The following ATRNL1 variants were observed in gnomAD, a reference collection of about 807,000 sequenced individuals.
The protein encoded by ATRNL1 is attractin-like protein 1.
Under a neutral mutation model 182.7 loss-of-function variants are expected in ATRNL1, and 95 were observed. The observed-to-expected ratio is 0.52, with a 90% CI of 0.44 to 0.62. The LOEUF is 0.62. Among genes scored for constraint, ATRNL1 ranks in the 20% least tolerant of loss-of-function variants. The pLI is 0.00. For missense variants in ATRNL1, 1,471 were observed against 1,679.5 expected, an observed-to-expected ratio of 0.88 and a Z score of 2.17; for synonymous variants, 576 against 568.3, an observed-to-expected ratio of 1.01 and a Z score of -0.19.
At position 115,793,542 on chromosome 10, in the gene ATRNL1, C is replaced by A. The variant is rs536372751; in HGVS notation, c.3904-54335C>A. ...TAACTTTGAACGAAGCTGAAAGCTT[C>A]ATTTAGTTTAATAATAACGATGCTT... On this transcript the variant is annotated intron_variant, in intron 27 of 28. Coordinates refer to ENST00000355044, the MANE Select transcript of ATRNL1 (RefSeq NM_207303.4). Among the ~76,000 whole-genome samples the A allele has an allele frequency of 9.1e-3, 387 of 42,478 alleles. 1 individual carries two copies. Among genetic ancestry groups the A allele is most frequent in the African/African-American group, 0.033 (365 of 10,992 alleles). 27.9% of individuals were successfully genotyped at this position (42,478 alleles called of 152,430 possible). A position where few individuals can be genotyped will look rare whatever the true frequency, so the allele number is the denominator to read the frequency against.
At chr10:115,673,701 A>G (rs1945771719) in intron 26 of ATRNL1, among the ~76,000 whole-genome samples, 1 of 152,104 alleles carries the variant, frequency 6.6e-6, no homozygotes, top group Non-Finnish European at 1.5e-5. Context: ...AATATCTCCT[A>G]TCCCATATAT....
chr10:115,391,282 G>A (rs1409246285), intron 19 of ATRNL1, among the ~76,000 whole-genome samples: 1 of 152,140 alleles, frequency 6.6e-6, no homozygotes, highest in Non-Finnish European at 1.5e-5. Flanking sequence ...TCAGTATGAT[G>A]TTAGCTGTGG....
intron 28 of ATRNL1, among the ~76,000 whole-genome samples, chr10:115,904,502 T>C (rs1391416145): frequency 1.3e-5 from 2 of 152,218 alleles, no homozygotes; most frequent in African/African-American, 4.8e-5. Context: ...GGGATCACTA[T>C]AGACAGTGTG....
intron 1 of ATRNL1, among the ~76,000 whole-genome samples, chr10:115,115,161 A>G (rs545585375): frequency 7.7e-4 from 117 of 152,252 alleles, no homozygotes; most frequent in Middle Eastern, 3.4e-3. Flanking sequence ...TCTCACTTAC[A>G]TGTGGAATCT....
intron 8 of ATRNL1, among the ~76,000 whole-genome samples, chr10:115,191,304 A>G (rs1224354390): frequency 6.6e-6 from 1 of 152,064 alleles, no homozygotes; most frequent in Admixed American, 6.6e-5. Context: ...TATTCTTCAT[A>G]GTGGTTGTAC....
At chr10:115,130,580 G>A (rs1377371333) in intron 5 of ATRNL1, among the ~76,000 whole-genome samples, 3 of 152,056 alleles carry the variant, frequency 2.0e-5, no homozygotes, top group Middle Eastern at 3.4e-3. Flanking sequence ...TTATTAAATC[G>A]AATTTGGTTA....
At chr10:115,513,778 A>G (rs1474365659) in intron 24 of ATRNL1, among the ~76,000 whole-genome samples, 1 of 151,920 alleles carries the variant, frequency 6.6e-6, no homozygotes, top group Non-Finnish European at 1.5e-5. Flanking sequence ...TTTCTATGGA[A>G]AGTCTCGGGT....
chr10:115,664,876 T>C (rs1860910842), intron 26 of ATRNL1, among the ~76,000 whole-genome samples: 2 of 152,174 alleles, frequency 1.3e-5, no homozygotes, highest in Admixed American at 1.3e-4. Context: ...CAGGGTCACC[T>C]TGCCCTGTGT....
intron 28 of ATRNL1, among the ~76,000 whole-genome samples, chr10:115,855,395 A>G (rs981490512): frequency 6.6e-6 from 1 of 152,150 alleles, no homozygotes; most frequent in South Asian, 2.1e-4. Context: ...CACACCTTCT[A>G]ACATATATCC....
rs568132652 is a variant in ATRNL1 at position 115,679,678 on chromosome 10, A to G, written c.3796-47570A>G. On this transcript the variant is annotated intron_variant, in intron 26 of 28. Coordinates refer to ENST00000355044, the MANE Select transcript of ATRNL1 (RefSeq NM_207303.4). ...GAGCTCAACAATTGTAACAATAGGC[A>G]TGAAGGCTATACCTTTAATCATATC... 1.4e-4 allele frequency among the ~76,000 whole-genome samples: 21 copies of G among 152,240 alleles called. No individual in the cohort carries two copies. In the South Asian group the frequency reaches 3.7e-3, roughly 27 times the overall value.
intron 28 of ATRNL1, among the ~76,000 whole-genome samples, chr10:115,891,128 C>T (rs1459426050): frequency 1.3e-5 from 2 of 152,082 alleles, no homozygotes; most frequent in Non-Finnish European, 2.9e-5. Flanking sequence ...ATATGCTCAT[C>T]TTATTTTAAA....
chr10:115,172,529 C>T (rs1847334294), intron 8 of ATRNL1, among the ~76,000 whole-genome samples: 1 of 151,966 alleles, frequency 6.6e-6, no homozygotes, highest in South Asian at 2.1e-4. Context: ...TTCCATCCTC[C>T]TTGAGCCACT....
At chr10:115,740,166 A>T (rs2134094105) in intron 27 of ATRNL1, among the ~76,000 whole-genome samples, 1 of 152,340 alleles carries the variant, frequency 6.6e-6, no homozygotes. Context: ...ATAAAATAGC[A>T]ACTAGGTCAA....
chr10:115,267,667 A>G (rs1554911294), intron 12 of ATRNL1, among the ~76,000 whole-genome samples: 1 of 152,180 alleles, frequency 6.6e-6, no homozygotes. Flanking sequence ...AGAAAGGATG[A>G]TAAACAGTAT....
intron 9 of ATRNL1, among the ~76,000 whole-genome samples, chr10:115,233,679 AG>A (rs1850055934): frequency 1.3e-5 from 2 of 152,108 alleles, no homozygotes; most frequent in Admixed American, 6.5e-5. Flanking sequence ...TTATAAAGAA[AG>A]GTCTCTTTTT....
chr10:115,641,611 A>T (rs1277500472), intron 26 of ATRNL1, among the ~76,000 whole-genome samples: 1 of 152,108 alleles, frequency 6.6e-6, no homozygotes, highest in African/African-American at 2.4e-5. Context: ...TGATATTACT[A>T]CTCTACTAAA....
intron 26 of ATRNL1, among the ~76,000 whole-genome samples, chr10:115,652,949 T>A (rs1860105526): frequency 6.6e-6 from 1 of 152,162 alleles, no homozygotes; most frequent in Admixed American, 6.5e-5. Context: ...TTGTAAGTTA[T>A]GTAGTTTCTA....
At chr10:115,331,339 C>T (rs1453168259) in intron 18 of ATRNL1, among the ~76,000 whole-genome samples, 1 of 152,208 alleles carries the variant, frequency 6.6e-6, no homozygotes, top group Non-Finnish European at 1.5e-5. Context: ...GGATTATAGG[C>T]GTGAGCCACC....
chr10:115,106,001 G>C (rs1359046276), intron 1 of ATRNL1, among the ~76,000 whole-genome samples: 1 of 152,164 alleles, frequency 6.6e-6, no homozygotes, highest in Non-Finnish European at 1.5e-5. Flanking sequence ...CCCCAGAACA[G>C]TAGATGCTCC....
Sources: gnomAD v4.1 joint callset for allele counts (sites outside exome capture counted in the v4.1 genomes callset) on GRCh38, gnomAD v4.1.1 for gene constraint, MANE v1.5 for transcripts, NCBI Gene and HGNC (gene_info 2026-07-23, HGNC 2026-07-21) for gene names.